LRRC4C: variants seen among roughly 807,000 people sequenced by gnomAD.
LRRC4C encodes the protein leucine rich repeat containing 4C.
In LRRC4C, 5 loss-of-function variants were observed where a neutral mutation model predicts 33.6. The observed-to-expected ratio is 0.15, with a 90% confidence interval of 0.08 to 0.31. LRRC4C has a LOEUF of 0.31. Ranked by LOEUF, LRRC4C falls within the 10% of genes least tolerant of loss-of-function variation. The probability of loss-of-function intolerance (pLI) is 1.00; values close to 1 mark genes in which losing one functional copy is unlikely to be tolerated. For synonymous variants in LRRC4C, 329 were observed against 302.0 expected, an observed-to-expected ratio of 1.09 and a Z score of -0.93; for missense variants, 560 against 796.7, an observed-to-expected ratio of 0.70 and a Z score of 3.58.
chr11:41,087,468 C>CATTGAA (rs1940088995), intron 1 of LRRC4C, among the ~76,000 whole-genome samples: 2 of 152,080 alleles, frequency 1.3e-5, no homozygotes, highest in South Asian at 2.1e-4. Flanking sequence ...TCATCATCTT[C>CATTGAA]ATTGCAATTG....
chr11:40,583,856 G>A (rs1346296266), intron 3 of LRRC4C, among the ~76,000 whole-genome samples: 1 of 151,602 alleles, frequency 6.6e-6, no homozygotes, highest in Non-Finnish European at 1.5e-5. Context: ...TATGCAAGCA[G>A]GACGCATAAA....
At chr11:41,044,705 C>T (rs562694653) in intron 1 of LRRC4C, among the ~76,000 whole-genome samples, 15 of 152,138 alleles carry the variant, frequency 9.9e-5, no homozygotes, top group Admixed American at 3.3e-4. Context: ...TCAAGTAGAA[C>T]GCAGTTATGT....
intron 3 of LRRC4C, among the ~76,000 whole-genome samples, chr11:40,436,989 CT>C (rs1190652799): frequency 1.3e-5 from 2 of 152,178 alleles, no homozygotes; most frequent in African/African-American, 4.8e-5. Context: ...GGATGGTCCA[CT>C]TTCGCTCTGG....
chr11:40,368,460 G>A (rs983250495), intron 3 of LRRC4C, among the ~76,000 whole-genome samples: 2 of 151,990 alleles, frequency 1.3e-5, no homozygotes, highest in African/African-American at 4.8e-5. Flanking sequence ...AACTTAGTAC[G>A]GGAACATTTT....
intron 1 of LRRC4C, among the ~76,000 whole-genome samples, chr11:41,122,108 T>C (rs1354580084): frequency 6.6e-6 from 1 of 151,854 alleles, no homozygotes; most frequent in African/African-American, 2.4e-5. Context: ...AAAGCAAAAA[T>C]ATATATAAAA....
At chr11:41,369,031 A>C (rs1160401822) in intron 1 of LRRC4C, among the ~76,000 whole-genome samples, 1 of 152,170 alleles carries the variant, frequency 6.6e-6, no homozygotes. Flanking sequence ...ACTTAAATGG[A>C]AATCATTCCC....
At chr11:40,543,836 C>T (rs926031622) in intron 3 of LRRC4C, among the ~76,000 whole-genome samples, 1 of 151,878 alleles carries the variant, frequency 6.6e-6, no homozygotes, top group African/African-American at 2.4e-5. Context: ...TTGAGGACTA[C>T]CATTTTTTTT....
chr11:41,304,019 G>T (rs1282150608), intron 1 of LRRC4C, among the ~76,000 whole-genome samples: 3 of 72,064 alleles, frequency 4.2e-5, no homozygotes, highest in Non-Finnish European at 1.0e-4. Flanking sequence ...CCCCCGCCCG[G>T]CCAGCCGCCC....
chr11:40,507,487 A>G (rs551062914), intron 3 of LRRC4C, among the ~76,000 whole-genome samples: 35 of 152,266 alleles, frequency 2.3e-4, no homozygotes, highest in African/African-American at 7.9e-4. Context: ...ATTGTTGGTG[A>G]GAGTATGAAG....
intron 2 of LRRC4C, among the ~76,000 whole-genome samples, chr11:40,906,155 A>G (rs566893385): frequency 1.3e-5 from 2 of 152,322 alleles, no homozygotes; most frequent in East Asian, 1.9e-4. Context: ...TTTTATCAAT[A>G]AAGTCTTTGT....
chr11:41,156,742 T>C (rs1450308498), intron 1 of LRRC4C, among the ~76,000 whole-genome samples: 1 of 151,930 alleles, frequency 6.6e-6, no homozygotes, highest in African/African-American at 2.4e-5. Flanking sequence ...CAGTATTAAA[T>C]ATGATAACTG....
intron 1 of LRRC4C, among the ~76,000 whole-genome samples, chr11:41,429,700 G>C (rs1955168888): frequency 6.6e-6 from 1 of 152,046 alleles, no homozygotes; most frequent in Non-Finnish European, 1.5e-5. Context: ...TGAATAAGCA[G>C]GGCCGACTAT....
chr11:40,819,190 G>A (rs1951823120), intron 2 of LRRC4C, among the ~76,000 whole-genome samples: 1 of 152,074 alleles, frequency 6.6e-6, no homozygotes, highest in Admixed American at 6.6e-5. Flanking sequence ...AGAGTTGGTA[G>A]GACATCCAGA....
At chr11:41,344,678 T>C (rs1951749084) in intron 1 of LRRC4C, among the ~76,000 whole-genome samples, 1 of 152,246 alleles carries the variant, frequency 6.6e-6, no homozygotes. Flanking sequence ...GACAAGATTA[T>C]TTAAGATTTT....
intron 3 of LRRC4C, among the ~76,000 whole-genome samples, chr11:40,424,545 A>G (rs1165537655): frequency 1.3e-5 from 2 of 152,238 alleles, no homozygotes; most frequent in African/African-American, 2.4e-5. Flanking sequence ...ACAAATATGT[A>G]TGCGCAGGGA....
At chr11:40,596,116 G>GA (rs1375444484) in intron 3 of LRRC4C, among the ~76,000 whole-genome samples, 2 of 152,116 alleles carry the variant, frequency 1.3e-5, no homozygotes. Flanking sequence ...AATTACAGAT[G>GA]AAAAACAATG....
At chr11:41,202,436 T>C (rs1342608696) in intron 1 of LRRC4C, among the ~76,000 whole-genome samples, 2 of 152,212 alleles carry the variant, frequency 1.3e-5, no homozygotes, top group Non-Finnish European at 2.9e-5. Context: ...TACATAAATA[T>C]TCTCTTTTAT....
intron 1 of LRRC4C, among the ~76,000 whole-genome samples, chr11:41,280,076 C>T (rs928831748): frequency 6.6e-6 from 1 of 152,010 alleles, no homozygotes; most frequent in Non-Finnish European, 1.5e-5. Flanking sequence ...TATATATCTC[C>T]CCATCAGACT....
intron 5 of LRRC4C, among the ~76,000 whole-genome samples, chr11:40,183,234 C>A (rs574317278): frequency 6.6e-6 from 1 of 152,088 alleles, no homozygotes; most frequent in South Asian, 2.1e-4. Flanking sequence ...TCCATTCATT[C>A]GATTGCAATG....
Sources: gnomAD v4.1 joint callset for allele counts (sites outside exome capture counted in the v4.1 genomes callset) on GRCh38, gnomAD v4.1.1 for gene constraint, MANE v1.5 for transcripts, NCBI Gene and HGNC (gene_info 2026-07-23, HGNC 2026-07-21) for gene names.